CBR4: variants seen among roughly 807,000 people sequenced by gnomAD.
CBR4 encodes the protein carbonyl reductase 4.
Under a neutral mutation model 21.0 loss-of-function variants are expected in CBR4, and 22 were observed. The ratio of observed to expected loss-of-function variants is 1.05; its 90% CI spans 0.75 to 1.50. The LOEUF (loss-of-function observed/expected upper bound fraction) is 1.50, where lower values mean the gene tolerates loss of function less well. Ranked by LOEUF, CBR4 falls within the 40% of genes most tolerant of loss-of-function variation. The pLI is 0.00. For missense variants in CBR4, 302 were observed against 286.3 expected (o/e 1.05, Z -0.40); for synonymous variants, 100 against 104.4 (o/e 0.96, Z 0.26).
intron 2 of CBR4, chr4:168,904,140 C>G: frequency 1.9e-6 from 1 of 515,388 alleles, no homozygotes; most frequent in South Asian, 2.1e-5. Context: ...TATTAAGGGT[C>G]TAATATGTAC....
chr4:169,008,428 A>G (rs1034023353), intron 1 of CBR4, among the ~76,000 whole-genome samples: 1 of 152,236 alleles, frequency 6.6e-6, no homozygotes, highest in African/African-American at 2.4e-5. Flanking sequence ...TTCCCTATGT[A>G]ATCTACCATT....
At chr4:168,993,880 T>C (rs1228783344) in intron 4 of CBR4, among the ~76,000 whole-genome samples, 1 of 152,178 alleles carries the variant, frequency 6.6e-6, no homozygotes, top group Non-Finnish European at 1.5e-5. Context: ...CAGTATTTTG[T>C]GGTTAAAAAA....
At chr4:168,953,333 G>A (rs1763597351) in intron 2 of CBR4, among the ~76,000 whole-genome samples, 1 of 152,152 alleles carries the variant, frequency 6.6e-6, no homozygotes, top group Non-Finnish European at 1.5e-5. Flanking sequence ...TGTGTCCTCA[G>A]TATTTCTATT....
Position 168,996,734 on chromosome 4 carries a change from C to T in CBR4, c.535+5337G>A, listed in dbSNP as rs1304241390. On this transcript the variant is annotated intron_variant, in intron 4 of 4. Transcript: ENST00000306193. ...TTTAAAACTCATGTATCTGTCCCCACTTTATCAGAAATTAAATAAAATTTA... is the reference window on the plus strand; with the variant it reads ...TTTAAAACTCATGTATCTGTCCCCATTTTATCAGAAATTAAATAAAATTTA... 2.0e-5 allele frequency among the ~76,000 whole-genome samples: 3 copies of T among 152,186 alleles called. No individual in the cohort carries two copies. The East Asian group carries it at 5.8e-4, about 29-fold the overall frequency.
At chr4:168,990,537 G>C (rs1764867074) in intron 4 of CBR4, among the ~76,000 whole-genome samples, 1 of 152,002 alleles carries the variant, frequency 6.6e-6, no homozygotes, top group African/African-American at 2.4e-5. Flanking sequence ...CTGGGGCACA[G>C]GTGATCCTCT....
chr4:168,995,199 T>G (rs931660019), intron 4 of CBR4, among the ~76,000 whole-genome samples: 2 of 152,338 alleles, frequency 1.3e-5, no homozygotes, highest in East Asian at 3.9e-4. Context: ...GGTAGGTACA[T>G]AGAGGTTAGA....
intron 2 of CBR4, among the ~76,000 whole-genome samples, chr4:168,909,659 TAATAA>T: frequency 6.6e-6 from 1 of 152,286 alleles, no homozygotes; most frequent in South Asian, 2.1e-4. Context: ...ATGAGAAAAT[TAATAA>T]AAGCAAATGC....
At chr4:168,984,162 C>T (rs138724560), downstream of CBR4, among the ~76,000 whole-genome samples, 228 of 152,188 alleles carry the variant, frequency 1.5e-3, 1 homozygote, top group African/African-American at 4.7e-3. Flanking sequence ...AAAACCCTAT[C>T]GTCTATGCCC....
intron 2 of CBR4, among the ~76,000 whole-genome samples, chr4:168,937,023 C>T (rs1042778785): frequency 6.6e-6 from 1 of 151,926 alleles, no homozygotes. Context: ...AAAATGTTAT[C>T]GGCAGCCAGA....
At chr4:168,941,810 T>C (rs776353232) in intron 2 of CBR4, among the ~76,000 whole-genome samples, 1 of 152,220 alleles carries the variant, frequency 6.6e-6, no homozygotes, top group African/African-American at 2.4e-5. Flanking sequence ...ATTTCTCTAA[T>C]GACCAGTGAT....
At chr4:169,001,957 C>A in intron 4 of CBR4, 114 bp downstream of exon 4, 1 of 1,036,288 alleles carries the variant, frequency 9.6e-7, no homozygotes, top group Non-Finnish European at 1.3e-6. Context: ...TGATTCTTTT[C>A]ACAATCATTT....
intron 2 of CBR4, among the ~76,000 whole-genome samples, chr4:168,897,473 GT>G (rs1245936251): frequency 1.3e-5 from 2 of 152,010 alleles, no homozygotes; most frequent in Non-Finnish European, 2.9e-5. Flanking sequence ...TGGAGACAGG[GT>G]CTCACTCTTT....
At chr4:168,985,993 A>C (rs1158424006), downstream of CBR4, among the ~76,000 whole-genome samples, 1 of 151,534 alleles carries the variant, frequency 6.6e-6, no homozygotes, top group Non-Finnish European at 1.5e-5. Flanking sequence ...TTATCTGTAC[A>C]CCAAACCCCT....
At chr4:168,928,007 T>C (rs191203497) in intron 2 of CBR4, 3 of 195,424 alleles carry the variant, frequency 1.5e-5, no homozygotes, top group Admixed American at 6.1e-5. Context: ...ACCCCATATA[T>C]TTCATATTAC....
At chr4:168,974,759 T>C (rs541331398) in intron 2 of CBR4, among the ~76,000 whole-genome samples, 14 of 152,340 alleles carry the variant, frequency 9.2e-5, no homozygotes, top group African/African-American at 2.6e-4. Flanking sequence ...ATTATGATTG[T>C]CTTTTCTTTA....
chr4:168,968,742 T>G (rs1764115793), intron 2 of CBR4, among the ~76,000 whole-genome samples: 1 of 152,206 alleles, frequency 6.6e-6, no homozygotes, highest in Non-Finnish European at 1.5e-5. Context: ...CTTCAGCCAT[T>G]AAGTCACTGA....
intron 2 of CBR4, among the ~76,000 whole-genome samples, chr4:168,922,543 A>C (rs79532885): frequency 6.6e-6 from 1 of 152,204 alleles, no homozygotes; most frequent in African/African-American, 2.4e-5. Flanking sequence ...GTGCTCTTCT[A>C]AACACACTAC....
rs563805338 is a variant in CBR4, at chr4:168,910,771, T to G, written n.170-16006A>C. 3.4e-3 allele frequency among the ~76,000 whole-genome samples: 516 copies of G among 151,752 alleles called. 4 individuals are homozygous for G. Among genetic ancestry groups the G allele is most frequent in the African/African-American group, 0.011 (437 of 41,056 alleles). ...GGGACAGCAGAACTGGTTTACAAACTTAGACTGATTCCAGAGCTACTGAAT... is the reference window on the plus strand; with the variant it reads ...GGGACAGCAGAACTGGTTTACAAACGTAGACTGATTCCAGAGCTACTGAAT... On this transcript the variant is annotated intron_variant and non_coding_transcript_variant, in intron 2 of 3. Coordinates refer to the CBR4 transcript ENST00000509108.
chr4:168,979,391 C>CA (rs1226423752), intron 2 of CBR4, among the ~76,000 whole-genome samples: 4 of 151,986 alleles, frequency 2.6e-5, no homozygotes, highest in African/African-American at 9.7e-5. Context: ...GAAAAGCAAC[C>CA]AGACTGTTTT....
Sources: gnomAD v4.1 joint callset for allele counts (sites outside exome capture counted in the v4.1 genomes callset) on GRCh38, gnomAD v4.1.1 for gene constraint, MANE v1.5 for transcripts, NCBI Gene and HGNC (gene_info 2026-07-23, HGNC 2026-07-21) for gene names.